INPP5B: variants seen among roughly 807,000 people sequenced by gnomAD.
The protein encoded by INPP5B is inositol polyphosphate-5-phosphatase B, also known as type II inositol 1,4,5-trisphosphate 5-phosphatase.
INPP5B carries 90 observed loss-of-function variants against 118.5 expected under a neutral mutation model. That is an observed-to-expected ratio of 0.76 (90% confidence interval 0.64 to 0.90). The LOEUF (loss-of-function observed/expected upper bound fraction) is 0.90. INPP5B is among the 40% of genes least tolerant of loss of function. The pLI is 0.00. For missense variants in INPP5B, 984 were observed against 1,125.6 expected, an observed-to-expected ratio of 0.87 and a Z score of 1.80; for synonymous variants, 385 against 418.9, an observed-to-expected ratio of 0.92 and a Z score of 0.99.
At chr1:37,936,985 G>A (rs1160315946) in intron 6 of INPP5B, among the ~76,000 whole-genome samples, 3 of 151,972 alleles carry the variant, frequency 2.0e-5, no homozygotes, top group South Asian at 2.1e-4. Flanking sequence ...TGGACACATC[G>A]ATAATACTTC....
chr1:37,872,161 G>A (rs1435037834), intron 19 of INPP5B, among the ~76,000 whole-genome samples: 1 of 151,068 alleles, frequency 6.6e-6, no homozygotes. Flanking sequence ...GAGGTTGGGA[G>A]TTCCAGACCT....
Position 37,875,771 on chromosome 1 carries a change from C to G in INPP5B, c.1678-55G>C. On this transcript the variant is annotated intron_variant, in intron 16 of 23. Coordinates refer to ENST00000373024, the MANE Select transcript of INPP5B (RefSeq NM_005540.3). ...CTTGGCTTCTGCCCATTTCCTCTTT[C>G]TCAGTATAGACGGCATTCACAGCAC... is the stretch of plus-strand genomic sequence containing the variant. 4 of 1,311,194 alleles carry G rather than the reference C, an allele frequency of 3.1e-6. No individual in the cohort carries two copies. The South Asian group carries it at 3.6e-5, about 12-fold the overall frequency. The allele number at this position is 1,311,194 out of a possible 1,614,324, so 81.2% of individuals were successfully genotyped here.
intron 12 of INPP5B, 84 bp from the exon 13 acceptor site, chr1:37,885,909 G>T: frequency 2.3e-6 from 3 of 1,289,376 alleles, no homozygotes. Flanking sequence ...GCCGGGCACG[G>T]TGGCTCACGC....
At chr1:37,920,020 A>G (rs1023769381) in intron 7 of INPP5B, among the ~76,000 whole-genome samples, 2 of 152,194 alleles carry the variant, frequency 1.3e-5, no homozygotes, top group Non-Finnish European at 2.9e-5. Flanking sequence ...ATCACTTTAC[A>G]TATATTTTAT....
chr1:37,865,798 C>A lies in INPP5B; in HGVS notation c.2477G>T (p.Cys826Phe). Residue 826 changes from cysteine (C) to phenylalanine (F), a missense_variant, in exon 22 of 24, where the codon TGC becomes TTC. This residue lies in a region of INPP5B where 634 missense variants were observed against 791.0 expected (regional missense o/e 0.80). Coordinates refer to ENST00000373024, the MANE Select transcript of INPP5B (RefSeq NM_005540.3). ...PVICYSTYHN[C>F]LECSGNYTAS... Reference sequence around the variant, plus strand: ...TGTGTAGTTGCCAGAACACTCCAAGCAGTTATGGTAGGTGCTGTAACAGAT... The same window carrying A: ...TGTGTAGTTGCCAGAACACTCCAAGAAGTTATGGTAGGTGCTGTAACAGAT... 6.2e-7 allele frequency: 1 copy of A among 1,613,712 alleles called. No homozygotes were observed. The highest frequency in any genetic ancestry group is 8.5e-7 in the Non-Finnish European group (1 of 1,179,744).
Position 37,900,261 on chromosome 1 carries a change from G to GTT in INPP5B, c.533-8809_533-8808dup, listed in dbSNP as rs752628803. The stretch of plus-strand genomic sequence containing the variant: ...CACACCCAGCTAATTTTTGTTTTCG[G>GTT]TTTTTTTTTTTTGAGACAGAGTCTC... On this transcript the variant is annotated intron_variant, in intron 7 of 23. Coordinates refer to ENST00000373024, the MANE Select transcript of INPP5B (RefSeq NM_005540.3). Among the ~76,000 whole-genome samples the GTT allele has an allele frequency of 4.4e-5, 6 of 137,094 alleles. No homozygotes were observed. In the South Asian group the frequency reaches 9.3e-4, roughly 21 times the overall value. 89.9% of individuals were successfully genotyped at this position (137,094 alleles called of 152,430 possible). A position where few individuals can be genotyped will look rare whatever the true frequency, so the allele number is the denominator to read the frequency against.
At position 37,944,426 on chromosome 1, in the gene INPP5B, A is replaced by G. The variant is rs186229347; in HGVS notation, c.153-533T>C. 3.9e-5 allele frequency among the ~76,000 whole-genome samples: 6 copies of G among 151,918 alleles called. No homozygotes were observed. The East Asian group carries it at 9.7e-4, about 24-fold the overall frequency. On this transcript the variant is annotated intron_variant, in intron 3 of 23. Coordinates refer to ENST00000373024, the MANE Select transcript of INPP5B (RefSeq NM_005540.3). The stretch of plus-strand genomic sequence containing the variant: ...CTTTTTTTTATTTATTATATTTTTT[A>G]AATTATTTGAAATAGAGATAGGGGT...
intron 7 of INPP5B, among the ~76,000 whole-genome samples, chr1:37,894,569 T>C (rs547746084): frequency 6.6e-6 from 1 of 150,872 alleles, no homozygotes; most frequent in South Asian, 2.1e-4. Flanking sequence ...TTCTTTTTTT[T>C]TTTTTTTTTT....
At chr1:37,880,803 A>G (rs1015780683) in intron 14 of INPP5B, among the ~76,000 whole-genome samples, 1 of 152,122 alleles carries the variant, frequency 6.6e-6, no homozygotes, top group African/African-American at 2.4e-5. Context: ...ATAGCTCACT[A>G]CAGCCTCCAT....
At chr1:37,888,023 A>C (rs1348485476) in intron 10 of INPP5B, among the ~76,000 whole-genome samples, 1 of 152,218 alleles carries the variant, frequency 6.6e-6, no homozygotes, top group Non-Finnish European at 1.5e-5. Context: ...TTTTAACAGA[A>C]GATTACACTA....
At chr1:37,878,415 C>T in intron 15 of INPP5B, 92 bp from the exon 16 acceptor site, 1 of 1,542,802 alleles carries the variant, frequency 6.5e-7, no homozygotes, top group South Asian at 1.2e-5. Flanking sequence ...AGTGATGAAT[C>T]AGGGCCTTCA....
At chr1:37,944,022 A>G in intron 3 of INPP5B, 129 bp from the exon 4 acceptor site, 1 of 691,914 alleles carries the variant, frequency 1.4e-6, no homozygotes, top group South Asian at 1.6e-5. Flanking sequence ...CTGGCTAGGC[A>G]CACTCCTCAT....
intron 7 of INPP5B, among the ~76,000 whole-genome samples, chr1:37,920,955 A>C (rs578106033): frequency 1.9e-3 from 294 of 151,842 alleles, no homozygotes; most frequent in African/African-American, 7.0e-3. Flanking sequence ...AAATTCAAAA[A>C]ATCAGGCGGG....
intron 7 of INPP5B, among the ~76,000 whole-genome samples, chr1:37,908,925 TC>T (rs1483302378): frequency 1.3e-5 from 2 of 152,136 alleles, no homozygotes; most frequent in Non-Finnish European, 2.9e-5. Context: ...CTCGCCATTC[TC>T]CCTTCTTCTC....
chr1:37,874,000 G>A lies in INPP5B; in HGVS notation c.1944C>T (p.Leu648=). 2 of 1,569,474 alleles carry A rather than the reference G, an allele frequency of 1.3e-6. No homozygotes were observed. The highest frequency in any genetic ancestry group is 1.2e-5 in the South Asian group (1 of 86,642). The part of the protein sequence containing the change: ...WLNANPSRGF[L]LPDSDVEIDL... The stretch of plus-strand genomic sequence containing the variant: ...TAGGAACAGAGGCCTTACCTGGCAG[G>A]AGGAAGCCTCTGCTGGGGTTGGCAT... Residue 648 remains leucine (L), a synonymous_variant, in exon 18 of 24, where the codon CTC becomes CTT. Transcript: ENST00000373024.
intron 19 of INPP5B, chr1:37,869,989 C>T (rs1642309304): frequency 6.6e-6 from 1 of 151,346 alleles, no homozygotes. Context: ...TTTTAGATGG[C>T]AGCAAATTTA....
chr1:37,887,240 C>A (rs147879101), intron 11 of INPP5B, 111 bp downstream of exon 11: 13 of 806,336 alleles, frequency 1.6e-5, no homozygotes, highest in Middle Eastern at 4.7e-4. Context: ...ATGAAAATTG[C>A]GGGATAATTA....
At chr1:37,946,562 A>G (rs1646119042) in intron 1 of INPP5B, among the ~76,000 whole-genome samples, 1 of 152,114 alleles carries the variant, frequency 6.6e-6, no homozygotes, top group South Asian at 2.1e-4. Context: ...ACAGTTTGCT[A>G]TACTGCCTTT....
At position 37,882,901 on chromosome 1, in the gene INPP5B, C is replaced by T; in HGVS notation, c.1337G>A (p.Gly446Glu). The change falls in exon 14 of 24, where the codon GGG (glycine) becomes GAG (glutamate). Residue 446 changes from glycine (G) to glutamate (E), a missense_variant. Transcript: ENST00000373024. The part of the protein sequence containing the change: ...ISNHDVILWL[G>E]DLNYRIEELD... ...CTCTTCTATCCTGTAGTTGAGGTCC[C>T]CCAGCCACAAGATCACACTGTGAGG... is the stretch of plus-strand genomic sequence containing the variant. The T allele has an allele frequency of 6.2e-7, 1 of 1,614,070 alleles. No homozygotes were observed. The highest frequency in any genetic ancestry group is 8.5e-7 in the Non-Finnish European group (1 of 1,179,982).
Sources: allele counts gnomAD v4.1 joint callset (sites outside exome capture counted in the v4.1 genomes callset), GRCh38; gene constraint gnomAD v4.1.1; regional missense constraint gnomAD v4.1.1; transcripts MANE v1.5; gene names NCBI Gene and HGNC (gene_info 2026-07-23, HGNC 2026-07-21).